THSD7B: variants seen among roughly 807,000 people sequenced by gnomAD.
THSD7B encodes the protein thrombospondin type 1 domain containing 7B.
THSD7B carries 138 observed loss-of-function variants against 213.6 expected under a neutral mutation model. That is an observed-to-expected ratio of 0.65 (90% CI 0.56 to 0.74). The LOEUF (loss-of-function observed/expected upper bound fraction) is 0.74, where lower values mean the gene tolerates loss of function less well. THSD7B is among the 30% of genes least tolerant of loss of function. The pLI is 0.00. For missense variants in THSD7B, 1,931 were observed against 1,991.5 expected, an observed-to-expected ratio of 0.97 and a Z score of 0.58; for synonymous variants, 742 against 687.0, an observed-to-expected ratio of 1.08 and a Z score of -1.25.
intron 12 of THSD7B, among the ~76,000 whole-genome samples, chr2:137,395,829 C>T (rs1686168524): frequency 1.3e-5 from 2 of 149,600 alleles, no homozygotes; most frequent in Admixed American, 1.3e-4. Flanking sequence ...TGATTATTGC[C>T]ACAATTTCAG....
At chr2:136,789,887 T>C (rs920796589) in intron 1 of THSD7B, among the ~76,000 whole-genome samples, 11 of 152,200 alleles carry the variant, frequency 7.2e-5, no homozygotes, top group South Asian at 2.1e-4. Context: ...TGTTACTTTA[T>C]ACCAAGCTCA....
chr2:137,371,772 T>C (rs4954501), intron 12 of THSD7B, among the ~76,000 whole-genome samples: 149,446 of 152,084 alleles, frequency 0.98, 73,492 homozygotes, highest in Middle Eastern at 1. Context: ...TTTTTTAATT[T>C]TTATTTTGCT....
At chr2:137,189,489 G>A (rs1680615770) in intron 7 of THSD7B, among the ~76,000 whole-genome samples, 1 of 151,946 alleles carries the variant, frequency 6.6e-6, no homozygotes, top group South Asian at 2.1e-4. Context: ...CAAGGTCAAC[G>A]TCACCCATGG....
intron 1 of THSD7B, among the ~76,000 whole-genome samples, chr2:136,791,579 A>C (rs1188474509): frequency 6.8e-6 from 1 of 146,544 alleles, no homozygotes; most frequent in Admixed American, 7.0e-5. Flanking sequence ...ACCCTAATCT[A>C]CTTTCTGTTC....
chr2:137,576,795 A>ACCC (rs5834564), intron 17 of THSD7B, among the ~76,000 whole-genome samples: 11 of 128,412 alleles, frequency 8.6e-5, no homozygotes, highest in African/African-American at 2.7e-4. Flanking sequence ...TAAGAAAAAC[A>ACCC]CCCCCCCCCC....
intron 2 of THSD7B, among the ~76,000 whole-genome samples, chr2:137,030,558 G>A (rs1375377428): frequency 6.6e-6 from 1 of 152,108 alleles, no homozygotes; most frequent in Non-Finnish European, 1.5e-5. Flanking sequence ...TAGTGATAAT[G>A]TATTTTAAGC....
chr2:137,475,285 G>T (rs914927462), intron 15 of THSD7B, among the ~76,000 whole-genome samples: 1 of 152,146 alleles, frequency 6.6e-6, no homozygotes, highest in Admixed American at 6.5e-5. Flanking sequence ...AATCAAGGCG[G>T]TATTTAGGGT....
intron 7 of THSD7B, among the ~76,000 whole-genome samples, chr2:137,199,052 C>T (rs868713225): frequency 2.6e-5 from 4 of 152,122 alleles, no homozygotes; most frequent in East Asian, 1.9e-4. Context: ...CTGAACCGCA[C>T]GGCACTCCTA....
intron 12 of THSD7B, among the ~76,000 whole-genome samples, chr2:137,279,889 T>A (rs1682963571): frequency 6.6e-6 from 1 of 152,216 alleles, no homozygotes; most frequent in African/African-American, 2.4e-5. Flanking sequence ...AAAGCCTTTA[T>A]CAATTTGGAA....
Position 137,492,799 on chromosome 2 carries a change from A to G in THSD7B, c.3138+41776A>G, listed in dbSNP as rs535958870. Among the ~76,000 whole-genome samples the G allele has an allele frequency of 4.6e-5, 7 of 152,226 alleles. No homozygotes were observed. The South Asian group carries it at 1.2e-3, about 27-fold the overall frequency. ...AACTTAGCACTTAAAACATGATACA[A>G]TTTCAAGTATTATTAGCAATAAACT... is the stretch of plus-strand genomic sequence containing the variant. On this transcript the variant is annotated intron_variant, in intron 15 of 27. Transcript: ENST00000409968.
intron 2 of THSD7B, among the ~76,000 whole-genome samples, chr2:136,967,028 T>C (rs1284684213): frequency 2.0e-5 from 3 of 152,172 alleles, no homozygotes; most frequent in African/African-American, 7.2e-5. Flanking sequence ...GCCGTGTATC[T>C]TCAGCTAAAT....
chr2:137,453,326 CTTTTTTTTTT>C (rs70978223), intron 15 of THSD7B, among the ~76,000 whole-genome samples: 1 of 96,856 alleles, frequency 1.0e-5, no homozygotes, highest in Non-Finnish European at 1.8e-5. Flanking sequence ...TTGAAATTTA[CTTTTTTTTTT>C]TTTTTTTTTT....
At chr2:137,147,359 T>C (rs562713295) in intron 5 of THSD7B, among the ~76,000 whole-genome samples, 4 of 152,278 alleles carry the variant, frequency 2.6e-5, no homozygotes, top group South Asian at 4.1e-4. Context: ...CCATGAGCCT[T>C]CCTTTGAAGC....
At chr2:137,387,789 C>G (rs560496463) in intron 12 of THSD7B, among the ~76,000 whole-genome samples, 29 of 152,108 alleles carry the variant, frequency 1.9e-4, no homozygotes, top group Non-Finnish European at 5.9e-5. Flanking sequence ...TTTTATTCTA[C>G]CTAACCATTA....
chr2:137,112,152 C>A (rs1688359745), intron 4 of THSD7B, among the ~76,000 whole-genome samples: 2 of 152,072 alleles, frequency 1.3e-5, no homozygotes, highest in African/African-American at 4.8e-5. Flanking sequence ...GCGACACTTT[C>A]TCTGGTTGGA....
At chr2:137,658,836 T>C (rs909594879) in intron 24 of THSD7B, among the ~76,000 whole-genome samples, 1 of 152,226 alleles carries the variant, frequency 6.6e-6, no homozygotes, top group Non-Finnish European at 1.5e-5. Flanking sequence ...GCTACAAAAC[T>C]ATAAACTATA....
intron 12 of THSD7B, among the ~76,000 whole-genome samples, chr2:137,339,486 C>T (rs754413596): frequency 7.9e-5 from 12 of 151,860 alleles, no homozygotes; most frequent in African/African-American, 2.4e-4. Context: ...AGCTGGGGTT[C>T]GCTGAATGCC....
intron 15 of THSD7B, among the ~76,000 whole-genome samples, chr2:137,457,859 TA>T (rs1278092401): frequency 6.6e-6 from 1 of 152,148 alleles, no homozygotes; most frequent in African/African-American, 2.4e-5. Context: ...ATGCAAAAGA[TA>T]AACTTTCTCA....
At chr2:136,824,248 T>C (rs1443961091) in intron 1 of THSD7B, among the ~76,000 whole-genome samples, 1 of 152,096 alleles carries the variant, frequency 6.6e-6, no homozygotes, top group Non-Finnish European at 1.5e-5. Flanking sequence ...TACTCATTCA[T>C]TACATATATA....
Sources: allele counts gnomAD v4.1 joint callset (sites outside exome capture counted in the v4.1 genomes callset), GRCh38; gene constraint gnomAD v4.1.1; transcripts MANE v1.5; gene names NCBI Gene and HGNC (gene_info 2026-07-23, HGNC 2026-07-21).